Variants in OBSL1 observed in about 807,000 individuals in gnomAD.
OBSL1 encodes obscurin-like protein 1.
OBSL1 carries 160 observed loss-of-function variants against 172.0 expected under a neutral mutation model. That is an observed-to-expected ratio of 0.93 (90% CI 0.82 to 1.06). The LOEUF (loss-of-function observed/expected upper bound fraction) is 1.06. Ranked by LOEUF, OBSL1 falls within the 50% of genes least tolerant of loss-of-function variation. The pLI, the probability that OBSL1 is intolerant of heterozygous loss-of-function variation, is 0.00. For missense variants in OBSL1, 2,681 were observed against 2,715.4 expected (o/e 0.99, Z 0.28); for synonymous variants, 1,200 against 1,196.3 (o/e 1.00, Z -0.06).
At chr2:219,551,374 T>G (rs1695599478) in intron 20 of OBSL1, 155 bp downstream of exon 20, 1 of 1,368,326 alleles carries the variant, frequency 7.3e-7, no homozygotes, top group Non-Finnish European at 9.6e-7. Flanking sequence ...CAGCCCTGGG[T>G]GTGCTCTACC....
chr2:219,569,878 T>G (rs1697208793), intron 1 of OBSL1, among the ~76,000 whole-genome samples: 1 of 152,190 alleles, frequency 6.6e-6, no homozygotes, highest in Non-Finnish European at 1.5e-5. Context: ...GGTTGTGAAT[T>G]CAGTGGGGGA....
In OBSL1 at chr2:219,558,537, C is replaced by T. The variant is rs1372787924; in HGVS notation, c.3227-78G>A. The T allele has an allele frequency of 2.8e-6, 4 of 1,444,142 alleles. No individual in the cohort carries two copies. In the African/African-American group the frequency reaches 4.2e-5, roughly 15 times the overall value. The allele number at this position is 1,444,142 out of a possible 1,614,324, so 89.5% of individuals were successfully genotyped here. A position where few individuals can be genotyped will look rare whatever the true frequency, so the allele number is the denominator to read the frequency against. ...TGCCTCACCCGCCAGATCCTCAGCC[C>T]TCCCCACTGGCAGCACAGCTCTTGA... On this transcript the variant is annotated intron_variant, in intron 9 of 20. Coordinates refer to ENST00000404537, the MANE Select transcript of OBSL1 (RefSeq NM_015311.3).
At position 219,566,363 on chromosome 2, in the gene OBSL1, A is replaced by C. The variant is rs144346660; in HGVS notation, c.2134+467T>G. Among the ~76,000 whole-genome samples the C allele has an allele frequency of 7.4e-3, 1,117 of 151,930 alleles. 13 individuals carry two copies. The highest frequency in any genetic ancestry group is 0.025 in the African/African-American group (1,024 of 41,380). On this transcript the variant is annotated intron_variant, in intron 5 of 20. Coordinates refer to ENST00000404537, the MANE Select transcript of OBSL1 (RefSeq NM_015311.3). ...CATTGCACTCCAGCCTGGGCGACAG[A>C]GTGAGACTCTATCTCAAAAAAAAAA...
At chr2:219,563,917 C>T (rs146089389) in intron 6 of OBSL1, among the ~76,000 whole-genome samples, 148 of 152,266 alleles carry the variant, frequency 9.7e-4, no homozygotes, top group Middle Eastern at 3.4e-3. Flanking sequence ...GTGGCAGCCA[C>T]CATTTGTCTA....
At position 219,552,597 on chromosome 2, in the gene OBSL1, C is replaced by A. The variant is rs1199195404; in HGVS notation, c.5247G>T (p.Gly1749=). ...GCGGGCGGCCTCCGAGCTCCCAGCG[C>A]CCCGTGGTCTCGACCTCCGACACGG... ...ECTVSEVETT[G]RWELGGRPLR... is the part of the protein sequence containing the mutation. The change falls in exon 18 of 21, where the codon GGG becomes GGT. Residue 1749 remains glycine, a synonymous_variant. Coordinates refer to ENST00000404537, the MANE Select transcript of OBSL1 (RefSeq NM_015311.3). The A allele has an allele frequency of 5.1e-6, 8 of 1,583,922 alleles. No individual in the cohort carries two copies. The Admixed American group carries it at 1.2e-4, about 24-fold the overall frequency.
Position 219,552,954 on chromosome 2 carries a change from A to G in OBSL1, c.5060T>C (p.Leu1687Pro), listed in dbSNP as rs757858688. Residue 1687 changes from leucine (L) to proline (P), a missense_variant, in exon 17 of 21, where the codon CTG (leucine) becomes CCG (proline). Leu to Pro is a moderately conservative substitution (Grantham distance 98). This residue lies in a region of OBSL1 where 1,765 missense variants were observed against 1,748.3 expected (regional missense o/e 1.01). Transcript: ENST00000404537. ...GGCGTCCGAGGGGCCGCAGCGTCGC[A>G]GCTGGAGAAGGCGGCGCGTGCCGAG... ...QALGTRRLLQ[L>P]RRCGPSDAGT... 2.3e-5 allele frequency: 35 copies of G among 1,534,096 alleles called. No individual in the cohort carries two copies. In the South Asian group the frequency reaches 2.9e-4, roughly 13 times the overall value.
chr2:219,550,678 G>A (rs2106001394), downstream of OBSL1: 2 of 991,138 alleles, frequency 2.0e-6, no homozygotes, highest in Non-Finnish European at 1.5e-6. Context: ...CACTGCACAG[G>A]GGCTCCAGGC....
intron 18 of OBSL1, 87 bp downstream of exon 18, chr2:219,552,448 AG>A: frequency 7.7e-7 from 1 of 1,305,058 alleles, no homozygotes; most frequent in South Asian, 1.4e-5. Context: ...CGTCGGAGCC[AG>A]GGGCGGGGCT....
chr2:219,551,135 G>A, intron 20 of OBSL1: 2 of 1,399,972 alleles, frequency 1.4e-6, no homozygotes, highest in Non-Finnish European at 1.9e-6. Context: ...AACTTGCTGA[G>A]ATGGGCAGAG....
intron 8 of OBSL1, among the ~76,000 whole-genome samples, chr2:219,559,866 G>A (rs1696336536): frequency 6.6e-6 from 1 of 152,130 alleles, no homozygotes; most frequent in Non-Finnish European, 1.5e-5. Context: ...ATATCTATAA[G>A]ACACTCATAT....
chr2:219,553,302 T>C (rs1695770101), intron 16 of OBSL1, among the ~76,000 whole-genome samples: 1 of 152,220 alleles, frequency 6.6e-6, no homozygotes, highest in Non-Finnish European at 1.5e-5. Context: ...GCACGGATTC[T>C]GGAGTTAGGC....
At chr2:219,561,963 C>T (rs2106062469) in intron 8 of OBSL1, 3 of 717,572 alleles carry the variant, frequency 4.2e-6, no homozygotes, top group South Asian at 1.5e-5. Context: ...CAAGAGGACG[C>T]ATAACTCCGG....
At position 219,570,942 on chromosome 2, in the gene OBSL1, G is replaced by A. The variant is rs2106118517; in HGVS notation, c.291C>T (p.Ala97=). 1 of 1,275,552 alleles carries A rather than the reference G, an allele frequency of 7.8e-7. No homozygotes were observed. Among genetic ancestry groups the A allele is most frequent in the East Asian group, 3.2e-5 (1 of 31,474 alleles). 79.0% of individuals were successfully genotyped at this position (1,275,552 alleles called of 1,614,324 possible). A position where few individuals can be genotyped will look rare whatever the true frequency, so the allele number is the denominator to read the frequency against. The change falls in exon 1 of 21, where the codon GCC becomes GCT. Residue 97 remains alanine (A), a synonymous_variant. Coordinates refer to ENST00000404537, the MANE Select transcript of OBSL1 (RefSeq NM_015311.3). The stretch of plus-strand genomic sequence containing the variant: ...CCGGCGGCTCCAGCACGGTGACGGC[G>A]GCCGCCGCGTAGGCCTCGCCGGCCG... The part of the protein sequence containing the change: ...RNAAGEAYAA[A]AVTVLEPPAS...
downstream of OBSL1, chr2:219,549,987 G>A (rs1003646330): frequency 1.6e-6 from 2 of 1,238,074 alleles, no homozygotes; most frequent in African/African-American, 3.0e-5. Flanking sequence ...GTCACTAGAA[G>A]GGAGGATTGT....
Position 219,563,551 on chromosome 2 carries a change from G to A in OBSL1, c.2484C>T (p.Ala828=). The A allele has an allele frequency of 6.2e-7, 1 of 1,613,822 alleles. No individual in the cohort carries two copies. Among genetic ancestry groups the A allele is most frequent in the Non-Finnish European group, 8.5e-7 (1 of 1,179,868 alleles). ...HAITSECVML[A]CEVDREDAPV... is the part of the protein sequence containing the mutation. Reference sequence around the variant, plus strand: ...GGGCGTCCTCTCGGTCCACCTCACAGGCCAGCATGACACACTCGGAAGTTA... The same window carrying A: ...GGGCGTCCTCTCGGTCCACCTCACAAGCCAGCATGACACACTCGGAAGTTA... The change falls in exon 7 of 21, where the codon GCC becomes GCT. Residue 828 remains alanine (A), a synonymous_variant. Coordinates refer to ENST00000404537, the MANE Select transcript of OBSL1 (RefSeq NM_015311.3).
rs767957648 is a variant in OBSL1, at chr2:219,556,195, CG to C, written c.4433del (p.Ala1478GlyfsTer58). 6.2e-7 allele frequency: 1 copy of C among 1,612,238 alleles called. No individual in the cohort carries two copies. The highest frequency in any genetic ancestry group is 1.1e-5 in the South Asian group (1 of 90,840). On this transcript the variant is annotated frameshift_variant, in exon 14 of 21. Coordinates refer to ENST00000404537, the MANE Select transcript of OBSL1 (RefSeq NM_015311.3). LOFTEE classifies it high-confidence loss of function. ...CACCTCGCACCCAGCGCACGGCCCC[CG>C]CTGCACCCACTCGGCCTGTCTCCAC... ...LEVETGRVGAAGAVRWVRGGQ... is the reference protein window; with the variant it reads ...LEVETGRVGAXGAVRWVRGGQ...
chr2:219,548,463 T>G (rs1695441422), downstream of OBSL1, among the ~76,000 whole-genome samples: 1 of 152,078 alleles, frequency 6.6e-6, no homozygotes, highest in African/African-American at 2.4e-5. Context: ...TGGAAGCTAT[T>G]AGAGTTAGGG....
chr2:219,561,746 T>A, intron 8 of OBSL1: 1 of 654,240 alleles, frequency 1.5e-6, no homozygotes. Flanking sequence ...TGTTTATTGG[T>A]TTAACACAGG....
chr2:219,550,291 G>A (rs1695533572), downstream of OBSL1: 2 of 183,392 alleles, frequency 1.1e-5, no homozygotes, highest in East Asian at 1.5e-4. Flanking sequence ...CCTTCCCATC[G>A]CCCTGCCTCG....
Sources: allele counts gnomAD v4.1 joint callset (sites outside exome capture counted in the v4.1 genomes callset), GRCh38; gene constraint gnomAD v4.1.1; regional missense constraint gnomAD v4.1.1; transcripts MANE v1.5; gene names NCBI Gene and HGNC (gene_info 2026-07-23, HGNC 2026-07-21).